The following GOLM2 variants were observed in gnomAD, a reference collection of about 807,000 sequenced individuals.
The protein encoded by GOLM2 is golgi membrane protein 2.
A neutral mutation model predicts 55.9 loss-of-function variants in GOLM2; 26 were observed. That is an observed-to-expected ratio of 0.47 (90% CI 0.34 to 0.65). The LOEUF (loss-of-function observed/expected upper bound fraction) is 0.65, where lower values mean the gene tolerates loss of function less well. GOLM2 is among the 30% of genes least tolerant of loss of function. The pLI, the probability that GOLM2 is intolerant of heterozygous loss-of-function variation, is 0.01. For synonymous variants in GOLM2, 165 were observed against 194.6 expected (o/e 0.85, Z 1.27); for missense variants, 486 against 531.8 (o/e 0.91, Z 0.85).
intron 6 of GOLM2, chr15:44,346,142 A>T (rs2079123000): frequency 6.6e-6 from 1 of 152,064 alleles, no homozygotes; most frequent in Non-Finnish European, 1.5e-5. Flanking sequence ...ACCTCAGGTG[A>T]TCCACCCGCC....
intron 1 of GOLM2, among the ~76,000 whole-genome samples, chr15:44,299,926 C>CAAA (rs1009141482): frequency 8.7e-4 from 10 of 11,528 alleles, no homozygotes; most frequent in Non-Finnish European, 1.8e-3. Context: ...GGCAACATAG[C>CAAA]AAAAAAAAAA....
rs555069858 is a variant in GOLM2, at chr15:44,415,199, A to T, written c.*1793A>T. ...CTAAAATTGTTTTTCTACCATATCAAATTAAACAATTCATGCCTTTATAGG... is the reference window on the plus strand; with the variant it reads ...CTAAAATTGTTTTTCTACCATATCATATTAAACAATTCATGCCTTTATAGG... On this transcript the variant is annotated 3_prime_UTR_variant, in exon 10 of 10. Transcript: ENST00000299957. 3.9e-4 allele frequency: 59 copies of T among 152,758 alleles called. No homozygotes were observed. Among genetic ancestry groups the T allele is most frequent in the Non-Finnish European group, 8.2e-4 (56 of 68,026 alleles). The allele number at this position is 152,758 out of a possible 1,614,324, so 9.5% of individuals were successfully genotyped here.
chr15:44,385,450 T>C (rs775686664), intron 8 of GOLM2, among the ~76,000 whole-genome samples: 4 of 151,638 alleles, frequency 2.6e-5, no homozygotes, highest in Non-Finnish European at 5.9e-5. Context: ...TGGTTTTTAT[T>C]TGCATTTCAC....
chr15:44,334,180 C>T (rs1484551078), intron 4 of GOLM2, among the ~76,000 whole-genome samples: 2 of 151,824 alleles, frequency 1.3e-5, no homozygotes, highest in Non-Finnish European at 2.9e-5. Context: ...TGGAACAAGG[C>T]ATGGCAGGAA....
At chr15:44,403,370 C>T (rs1246077067) in intron 9 of GOLM2, among the ~76,000 whole-genome samples, 1 of 152,096 alleles carries the variant, frequency 6.6e-6, no homozygotes, top group Admixed American at 6.6e-5. Context: ...CCATGTTGGT[C>T]AGGCTGGTCT....
chr15:44,303,632 C>A lies in GOLM2; in HGVS notation c.327+14276C>A, dbSNP rs1021813416. ...CCAGGCTAAACTGCAGTGGCATGAT[C>A]ATGGCTCACTGCAGCCTTGACCTTC... On this transcript the variant is annotated intron_variant, in intron 1 of 9. Transcript: ENST00000299957. Among the ~76,000 whole-genome samples the A allele has an allele frequency of 6.6e-5, 10 of 151,944 alleles. No individual in the cohort carries two copies. In the East Asian group the frequency reaches 1.9e-3, roughly 29 times the overall value.
chr15:44,306,025 T>C (rs1567021199), intron 1 of GOLM2, among the ~76,000 whole-genome samples: 2 of 152,216 alleles, frequency 1.3e-5, no homozygotes, highest in Admixed American at 1.3e-4. Context: ...ATTTTAGGAA[T>C]GGTAAGTGAG....
At chr15:44,357,753 G>A (rs1485176280) in intron 6 of GOLM2, among the ~76,000 whole-genome samples, 2 of 152,104 alleles carry the variant, frequency 1.3e-5, no homozygotes, top group Non-Finnish European at 2.9e-5. Flanking sequence ...CCATATACCA[G>A]CAGTCAACAA....
intron 9 of GOLM2, among the ~76,000 whole-genome samples, chr15:44,407,205 TTTA>T (rs1169932143): frequency 6.8e-6 from 1 of 146,772 alleles, no homozygotes; most frequent in African/African-American, 2.5e-5. Context: ...TATATTTATA[TTTA>T]TATTATATAT....
intron 6 of GOLM2, among the ~76,000 whole-genome samples, chr15:44,374,132 T>C (rs1370773804): frequency 6.6e-6 from 1 of 151,810 alleles, no homozygotes; most frequent in East Asian, 1.9e-4. Context: ...TAAATAAATA[T>C]TGTCAAATGA....
chr15:44,326,842 G>C (rs2078985194), intron 2 of GOLM2, among the ~76,000 whole-genome samples: 1 of 150,710 alleles, frequency 6.6e-6, no homozygotes, highest in Non-Finnish European at 1.5e-5. Context: ...AGTGGAGATG[G>C]GATTTCAGCT....
At chr15:44,321,836 G>T (rs1284599590) in intron 1 of GOLM2, among the ~76,000 whole-genome samples, 5 of 151,470 alleles carry the variant, frequency 3.3e-5, no homozygotes, top group Non-Finnish European at 5.9e-5. Context: ...AGAATCACTT[G>T]AGTCCAAGAG....
intron 8 of GOLM2, among the ~76,000 whole-genome samples, chr15:44,397,934 A>G (rs2079538515): frequency 6.6e-6 from 1 of 152,202 alleles, no homozygotes; most frequent in African/African-American, 2.4e-5. Context: ...CCATTATGAC[A>G]TATATTCATT....
chr15:44,339,267 T>C (rs147444122), intron 6 of GOLM2, among the ~76,000 whole-genome samples: 55 of 152,320 alleles, frequency 3.6e-4, no homozygotes, highest in African/African-American at 1.2e-3. Flanking sequence ...AACATGAATT[T>C]GAAAATAAAG....
chr15:44,363,735 C>T (rs1595649859), intron 6 of GOLM2, among the ~76,000 whole-genome samples: 1 of 151,498 alleles, frequency 6.6e-6, no homozygotes, highest in Non-Finnish European at 1.5e-5. Flanking sequence ...TATAAAGACA[C>T]ATGCACACGT....
At chr15:44,401,431 A>T (rs2079564750) in intron 8 of GOLM2, among the ~76,000 whole-genome samples, 1 of 151,938 alleles carries the variant, frequency 6.6e-6, no homozygotes, top group African/African-American at 2.4e-5. Flanking sequence ...TACCCAGCTA[A>T]TTTTTGTATT....
chr15:44,371,787 G>C (rs554761068), intron 6 of GOLM2, among the ~76,000 whole-genome samples: 2 of 151,882 alleles, frequency 1.3e-5, no homozygotes, highest in African/African-American at 4.8e-5. Context: ...GATCACAGCC[G>C]GTCAATAAAT....
chr15:44,346,404 G>A (rs1003320406), intron 6 of GOLM2, among the ~76,000 whole-genome samples: 5 of 151,820 alleles, frequency 3.3e-5, no homozygotes, highest in African/African-American at 1.2e-4. Flanking sequence ...AGGTTTAAAT[G>A]GTCACTAGGT....
At chr15:44,316,463 G>C (rs1303485346) in intron 1 of GOLM2, among the ~76,000 whole-genome samples, 1 of 152,110 alleles carries the variant, frequency 6.6e-6, no homozygotes, top group Non-Finnish European at 1.5e-5. Context: ...AGCCAAAGGA[G>C]TTAAAGAGCT....
Sources: gnomAD v4.1 joint callset for allele counts (sites outside exome capture counted in the v4.1 genomes callset) on GRCh38, gnomAD v4.1.1 for gene constraint, MANE v1.5 for transcripts, NCBI Gene and HGNC (gene_info 2026-07-23, HGNC 2026-07-21) for gene names.